LRRC8B: variants seen among roughly 807,000 people sequenced by gnomAD.
The protein encoded by LRRC8B is leucine rich repeat containing 8 VRAC subunit B, also known as volume-regulated anion channel subunit LRRC8B.
LRRC8B carries 23 observed loss-of-function variants against 58.8 expected under a neutral mutation model. The ratio of observed to expected loss-of-function variants is 0.39; its 90% CI spans 0.28 to 0.55. LRRC8B has a LOEUF of 0.55. Ranked by LOEUF, LRRC8B falls within the 20% of genes least tolerant of loss-of-function variation. The pLI, the probability that LRRC8B is intolerant of heterozygous loss-of-function variation, is 0.62. For missense variants in LRRC8B, 694 were observed against 936.0 expected (o/e 0.74, Z 3.37); for synonymous variants, 359 against 374.1 (o/e 0.96, Z 0.47).
At chr1:89,549,154 A>G (rs1651628366) in intron 1 of LRRC8B, among the ~76,000 whole-genome samples, 1 of 152,222 alleles carries the variant, frequency 6.6e-6, no homozygotes, top group Admixed American at 6.5e-5. Context: ...AGTGATAAAC[A>G]ACATAAGTAT....
intron 1 of LRRC8B, among the ~76,000 whole-genome samples, chr1:89,535,199 A>G (rs1486385134): frequency 6.6e-6 from 1 of 152,072 alleles, no homozygotes; most frequent in Non-Finnish European, 1.5e-5. Flanking sequence ...CCACATTGTC[A>G]ATTACTCCCA....
chr1:89,525,142 C>G (rs149461497), intron 1 of LRRC8B, 120 bp downstream of exon 1: 5,154 of 152,386 alleles, frequency 0.034, 128 homozygotes, highest in Middle Eastern at 0.065. Flanking sequence ...GTGCGGTTAC[C>G]TGTTCACGCC....
At chr1:89,562,456 A>G (rs1309213123) in intron 1 of LRRC8B, among the ~76,000 whole-genome samples, 1 of 151,984 alleles carries the variant, frequency 6.6e-6, no homozygotes, top group Non-Finnish European at 1.5e-5. Flanking sequence ...TCTTAACTTC[A>G]TATATTGCTA....
Position 89,583,480 on chromosome 1 carries a change from C to T in LRRC8B, c.830C>T (p.Pro277Leu). The T allele has an allele frequency of 1.2e-6, 2 of 1,613,954 alleles. No individual in the cohort carries two copies. The highest frequency in any genetic ancestry group is 1.1e-5 in the South Asian group (1 of 91,058). Reference sequence around the variant, plus strand: ...TTTGTGCTCATCATAACTTATGTTCCATATTTTTTAACCCACATCACTCTT... The same window carrying T: ...TTTGTGCTCATCATAACTTATGTTCTATATTTTTTAACCCACATCACTCTT... ...ILFVLIITYV[P>L]YFLTHITLEI... The change falls in exon 5 of 6, where the codon CCA becomes CTA. Residue 277 changes from proline (P) to leucine (L), a missense_variant. By Grantham distance (98) the Pro-to-Leu change is moderately conservative. Coordinates refer to ENST00000330947, the MANE Select transcript of LRRC8B (RefSeq NM_001369817.2). The surrounding 1 kb of genome is among the most constrained non-coding windows in gnomAD (Gnocchi z 5.2).
At chr1:89,537,134 A>G (rs984157512) in intron 1 of LRRC8B, among the ~76,000 whole-genome samples, 14 of 152,162 alleles carry the variant, frequency 9.2e-5, no homozygotes, top group Admixed American at 3.9e-4. Context: ...TGCTTTTTCT[A>G]TTGAAATGTG....
intron 1 of LRRC8B, among the ~76,000 whole-genome samples, chr1:89,529,785 C>T (rs1357467025): frequency 1.3e-5 from 2 of 151,998 alleles, no homozygotes; most frequent in African/African-American, 4.8e-5. Context: ...AAGCCTTAAC[C>T]TTCCTCAGCC....
intron 1 of LRRC8B, among the ~76,000 whole-genome samples, chr1:89,552,264 G>A (rs1349023860): frequency 6.6e-6 from 1 of 152,146 alleles, no homozygotes; most frequent in African/African-American, 2.4e-5. Context: ...ATAATAATTA[G>A]TAAATGAGAA....
intron 1 of LRRC8B, among the ~76,000 whole-genome samples, chr1:89,543,515 A>G (rs1387530726): frequency 6.6e-6 from 1 of 151,196 alleles, no homozygotes; most frequent in Admixed American, 6.6e-5. Context: ...TTTTTTTTTA[A>G]GTTGGAGTCT....
chr1:89,576,601 C>G (rs1344654555), intron 3 of LRRC8B, among the ~76,000 whole-genome samples: 1 of 152,136 alleles, frequency 6.6e-6, no homozygotes, highest in Non-Finnish European at 1.5e-5. Context: ...TTCTTGAGAC[C>G]TACTTCCTAC....
intron 3 of LRRC8B, among the ~76,000 whole-genome samples, chr1:89,570,956 A>G (rs1419018563): frequency 6.6e-6 from 1 of 152,192 alleles, no homozygotes; most frequent in Non-Finnish European, 1.5e-5. Flanking sequence ...TCCGAGCACC[A>G]TTTATCAAAT....
At chr1:89,525,386 G>C (rs965356965) in intron 1 of LRRC8B, among the ~76,000 whole-genome samples, 1 of 152,220 alleles carries the variant, frequency 6.6e-6, no homozygotes, top group Non-Finnish European at 1.5e-5. Context: ...GGCGGGAAAG[G>C]GGTTCCGCTT....
At chr1:89,533,454 G>A (rs1369475269) in intron 1 of LRRC8B, among the ~76,000 whole-genome samples, 1 of 152,160 alleles carries the variant, frequency 6.6e-6, no homozygotes, top group Non-Finnish European at 1.5e-5. Flanking sequence ...TAGCCAGATG[G>A]CTTCATTCCG....
chr1:89,561,012 A>C (rs1324650745), intron 1 of LRRC8B, among the ~76,000 whole-genome samples: 1 of 149,530 alleles, frequency 6.7e-6, no homozygotes. Context: ...AACAGTGTAA[A>C]AGTGTTCCTA....
In LRRC8B at chr1:89,594,058, T is replaced by TATCA. The variant is rs1325147456; in HGVS notation, c.*1016_*1019dup. The TATCA allele has an allele frequency of 6.6e-6, 1 of 152,206 alleles. No individual in the cohort carries two copies. The highest frequency in any genetic ancestry group is 2.4e-5 in the African/African-American group (1 of 41,460). 9.4% of individuals were successfully genotyped at this position (152,206 alleles called of 1,614,324 possible). The stretch of plus-strand genomic sequence containing the variant: ...GTATTCCCTAAAATTTCTTCTTGTC[T>TATCA]ATCATCAAGGCCTTTTTTTATTTGT... On this transcript the variant is annotated 3_prime_UTR_variant, in exon 6 of 6. Coordinates refer to ENST00000330947, the MANE Select transcript of LRRC8B (RefSeq NM_001369817.2).
At chr1:89,560,946 C>A (rs1334878002) in intron 1 of LRRC8B, among the ~76,000 whole-genome samples, 1 of 151,710 alleles carries the variant, frequency 6.6e-6, no homozygotes, top group Non-Finnish European at 1.5e-5. Context: ...GTTCTAGATC[C>A]CTGAGGAATC....
chr1:89,561,231 G>C (rs896108572), intron 1 of LRRC8B, among the ~76,000 whole-genome samples: 3 of 150,282 alleles, frequency 2.0e-5, no homozygotes, highest in Non-Finnish European at 4.5e-5. Flanking sequence ...TTTTGATGGG[G>C]TTGTTTGTTT....
At chr1:89,584,817 C>A in intron 5 of LRRC8B, 28 bp downstream of exon 5, 1 of 1,451,442 alleles carries the variant, frequency 6.9e-7, no homozygotes, top group Non-Finnish European at 9.5e-7. Flanking sequence ...TTCTTTTATT[C>A]AGTATCTGCC....
intron 1 of LRRC8B, among the ~76,000 whole-genome samples, chr1:89,543,383 T>G (rs1441000646): frequency 6.6e-6 from 1 of 152,226 alleles, no homozygotes; most frequent in African/African-American, 2.4e-5. Context: ...TCTTTGATTC[T>G]TTTTCTGTTG....
At chr1:89,539,415 G>A (rs1230066259) in intron 1 of LRRC8B, among the ~76,000 whole-genome samples, 7 of 152,140 alleles carry the variant, frequency 4.6e-5, no homozygotes, top group South Asian at 2.1e-4. Context: ...ATTTTCAGGC[G>A]TTGCTTTTTC....
Sources: gnomAD v4.1 joint callset for allele counts (sites outside exome capture counted in the v4.1 genomes callset) on GRCh38, gnomAD v4.1.1 for gene constraint, Gnocchi (gnomAD v3.1) non-coding constraint, MANE v1.5 for transcripts, NCBI Gene and HGNC (gene_info 2026-07-23, HGNC 2026-07-21) for gene names.